Variants in GALNT13 observed in about 807,000 individuals in gnomAD.
The protein encoded by GALNT13 is polypeptide N-acetylgalactosaminyltransferase 13.
Under a neutral mutation model 64.2 loss-of-function variants are expected in GALNT13, and 28 were observed. That is an observed-to-expected ratio of 0.44 (90% CI 0.32 to 0.60). The LOEUF is 0.60. Ranked by LOEUF, GALNT13 falls within the 20% of genes least tolerant of loss-of-function variation. GALNT13 has a pLI of 0.05. For synonymous variants in GALNT13, 214 were observed against 224.6 expected, an observed-to-expected ratio of 0.95 and a Z score of 0.42; for missense variants, 577 against 669.8, an observed-to-expected ratio of 0.86 and a Z score of 1.53.
the GALNT13 span, among the ~76,000 whole-genome samples, chr2:153,375,613 C>A: frequency 1.3e-5 from 2 of 152,140 alleles, no homozygotes; most frequent in Non-Finnish European, 2.9e-5. Context: ...TTGAACCCAG[C>A]CACTTTACTG....
the GALNT13 span, among the ~76,000 whole-genome samples, chr2:153,209,371 G>A: frequency 6.6e-6 from 1 of 152,084 alleles, no homozygotes; most frequent in Middle Eastern, 3.2e-3. Context: ...AAGGGTAGAG[G>A]TTCACTTAAT....
intron 1 of GALNT13, among the ~76,000 whole-genome samples, chr2:153,876,210 CACACACACACACACACACACACACAT>C (rs1686365381): frequency 1.2e-5 from 1 of 84,588 alleles, no homozygotes; most frequent in Non-Finnish European, 2.9e-5. Context: ...ACTACACACA[CACACACACACACACACACACACACAT>C]ACACACACAG....
At chr2:154,148,938 A>C (rs7571960) in intron 4 of GALNT13, among the ~76,000 whole-genome samples, 19,872 of 151,830 alleles carry the variant, frequency 0.13, 1,439 homozygotes, top group South Asian at 0.22. Context: ...TTAATTAGAT[A>C]CCATTTGTCA....
chr2:153,839,793 A>G, the GALNT13 span, among the ~76,000 whole-genome samples: 1 of 151,906 alleles, frequency 6.6e-6, no homozygotes, highest in Non-Finnish European at 1.5e-5. Context: ...TGATCTTTCT[A>G]TTTGAAACCA....
At chr2:153,114,144 A>C in the GALNT13 span, among the ~76,000 whole-genome samples, 4 of 152,078 alleles carry the variant, frequency 2.6e-5, no homozygotes, top group Non-Finnish European at 4.4e-5. Context: ...ACATTGCCCA[A>C]TCCAAACTTG....
intron 1 of GALNT13, among the ~76,000 whole-genome samples, chr2:153,899,286 T>G (rs1688077107): frequency 6.6e-6 from 1 of 152,190 alleles, no homozygotes; most frequent in African/African-American, 2.4e-5. Flanking sequence ...TGTGTCAGAT[T>G]GAGCAAGTGA....
At position 154,409,031 on chromosome 2, in the gene GALNT13, G is replaced by A; in HGVS notation, c.1344G>A (p.Lys448=). Residue 448 remains lysine (K), a synonymous_variant, in exon 11 of 13, where the codon AAG becomes AAA. Transcript: ENST00000392825. ...TNQCLDNMGR[K]ENEKVGIFNC... ...AGTGTTTAGACAACATGGGCCGCAA[G>A]GAAAATGAAAAAGTGGGTATATTCA... The A allele has an allele frequency of 2.5e-6, 4 of 1,611,566 alleles. No individual in the cohort carries two copies. The highest frequency in any genetic ancestry group is 3.4e-6 in the Non-Finnish European group (4 of 1,178,322).
chr2:153,252,932 A>G, the GALNT13 span, among the ~76,000 whole-genome samples: 1 of 152,100 alleles, frequency 6.6e-6, no homozygotes. Context: ...CTTTTGGCTT[A>G]GGATTGACTT....
chr2:153,203,640 A>G, the GALNT13 span, among the ~76,000 whole-genome samples: 5 of 152,142 alleles, frequency 3.3e-5, no homozygotes, highest in Admixed American at 2.6e-4. Context: ...GTTAATCTCT[A>G]TGCTATATAG....
At chr2:154,349,042 A>G (rs1405010893) in intron 9 of GALNT13, among the ~76,000 whole-genome samples, 1 of 152,240 alleles carries the variant, frequency 6.6e-6, no homozygotes, top group East Asian at 1.9e-4. Flanking sequence ...TAAAATTACC[A>G]CAACATTTAA....
the GALNT13 span, among the ~76,000 whole-genome samples, chr2:153,490,166 A>G: frequency 1.3e-5 from 2 of 152,208 alleles, no homozygotes; most frequent in African/African-American, 2.4e-5. Context: ...TGACAGGAAT[A>G]TCTGTTAAGA....
chr2:154,136,654 G>T (rs1682968462), intron 3 of GALNT13, among the ~76,000 whole-genome samples: 1 of 152,038 alleles, frequency 6.6e-6, no homozygotes, highest in Admixed American at 6.6e-5. Context: ...AGTAGGTTCT[G>T]TGTTAGAGAA....
the GALNT13 span, among the ~76,000 whole-genome samples, chr2:153,122,660 C>T: frequency 5.9e-5 from 9 of 152,068 alleles, no homozygotes; most frequent in Non-Finnish European, 2.9e-5. Context: ...GTGGTCTGGG[C>T]GCCACTTTCA....
intron 9 of GALNT13, among the ~76,000 whole-genome samples, chr2:154,330,793 C>T (rs1695127216): frequency 6.6e-6 from 1 of 152,084 alleles, no homozygotes; most frequent in African/African-American, 2.4e-5. Context: ...TGAAACTGCA[C>T]CAGTTCAAAT....
the GALNT13 span, among the ~76,000 whole-genome samples, chr2:153,189,319 C>T: frequency 6.6e-6 from 1 of 152,092 alleles, no homozygotes. Context: ...TGAGTACATG[C>T]AATATTTGTC....
At chr2:153,671,529 C>T in the GALNT13 span, among the ~76,000 whole-genome samples, 1 of 152,112 alleles carries the variant, frequency 6.6e-6, no homozygotes. Context: ...CCAGGCCTGC[C>T]CTACAAGAGC....
chr2:153,994,386 C>T (rs968790635), intron 3 of GALNT13, among the ~76,000 whole-genome samples: 7 of 152,116 alleles, frequency 4.6e-5, no homozygotes, highest in Admixed American at 4.6e-4. Context: ...TACGTGTGCA[C>T]ATCTTCTTAT....
the GALNT13 span, among the ~76,000 whole-genome samples, chr2:153,655,972 C>A: frequency 2.6e-5 from 4 of 151,978 alleles, no homozygotes; most frequent in Non-Finnish European, 4.4e-5. Flanking sequence ...TCTTCACATA[C>A]CAAAAATTCC....
At chr2:154,349,104 G>A (rs919795920) in intron 9 of GALNT13, among the ~76,000 whole-genome samples, 3 of 152,276 alleles carry the variant, frequency 2.0e-5, no homozygotes, top group Non-Finnish European at 4.4e-5. Context: ...ATTTTAGAGA[G>A]TACCAAGAAT....
Sources: allele counts gnomAD v4.1 joint callset (sites outside exome capture counted in the v4.1 genomes callset), GRCh38; gene constraint gnomAD v4.1.1; transcripts MANE v1.5; gene names NCBI Gene and HGNC (gene_info 2026-07-23, HGNC 2026-07-21).